VPS13C: variants seen among roughly 807,000 people sequenced by gnomAD.
The protein encoded by VPS13C is vacuolar protein sorting 13 homolog C, also known as intermembrane lipid transfer protein VPS13C.
A neutral mutation model predicts 456.8 loss-of-function variants in VPS13C; 358 were observed. That is an observed-to-expected ratio of 0.78 (90% CI 0.72 to 0.86). The LOEUF (loss-of-function observed/expected upper bound fraction) is 0.86, where lower values mean the gene tolerates loss of function less well. Among genes scored for constraint, VPS13C ranks in the 40% least tolerant of loss-of-function variants. The probability of loss-of-function intolerance (pLI) is 0.00; values close to 1 mark genes in which losing one functional copy is unlikely to be tolerated. For missense variants in VPS13C, 4,818 were observed against 4,385.4 expected (o/e 1.10, Z -2.79); for synonymous variants, 1,578 against 1,486.7 (o/e 1.06, Z -1.41).
intron 16 of VPS13C, among the ~76,000 whole-genome samples, chr15:61,997,102 C>T (rs907697507): frequency 6.6e-6 from 1 of 151,456 alleles, no homozygotes; most frequent in East Asian, 1.9e-4. Flanking sequence ...ACTTGAAAAA[C>T]GTCATGGCTA....
At chr15:61,978,529 G>A (rs1348993744) in intron 23 of VPS13C, 97 bp downstream of exon 23, 4 of 1,385,472 alleles carry the variant, frequency 2.9e-6, no homozygotes, top group Middle Eastern at 3.8e-4. Flanking sequence ...GTGCAAAATG[G>A]TTGTCAGGGT....
At chr15:61,951,232 AC>A (rs1374873851) in intron 39 of VPS13C, among the ~76,000 whole-genome samples, 1 of 152,070 alleles carries the variant, frequency 6.6e-6, no homozygotes, top group Non-Finnish European at 1.5e-5. Flanking sequence ...AAATACTAGT[AC>A]CCACCAATTA....
intron 58 of VPS13C, among the ~76,000 whole-genome samples, chr15:61,918,921 A>C (rs1345298480): frequency 6.6e-6 from 1 of 152,122 alleles, no homozygotes; most frequent in African/African-American, 2.4e-5. Context: ...ATCTTGAAAA[A>C]TATAATCCAA....
chr15:61,882,848 C>A, intron 68 of VPS13C, 112 bp from the exon 69 acceptor site: 1 of 1,159,632 alleles, frequency 8.6e-7, no homozygotes, highest in Non-Finnish European at 1.2e-6. Context: ...TTATGTCTCA[C>A]CAACAGATCT....
At chr15:62,012,749 A>T (rs906223354) in intron 11 of VPS13C, among the ~76,000 whole-genome samples, 1 of 151,864 alleles carries the variant, frequency 6.6e-6, no homozygotes, top group Non-Finnish European at 1.5e-5. Context: ...TCAGAATGTG[A>T]CAAGAATGTC....
At chr15:61,952,674 C>T (rs2044840787) in intron 38 of VPS13C, among the ~76,000 whole-genome samples, 1 of 152,066 alleles carries the variant, frequency 6.6e-6, no homozygotes, top group Non-Finnish European at 1.5e-5. Flanking sequence ...ATTTCAGATT[C>T]TAAAAAGTAG....
Position 62,013,055 on chromosome 15 carries a change from G to T in VPS13C, c.809C>A (p.Ser270Ter). The change falls in exon 11 of 85, where the codon TCA becomes TAA. Residue 270 changes from serine (S) to a stop codon, truncating the protein, a stop_gained. Transcript: ENST00000644861. LOFTEE classifies it high-confidence loss of function. ...TAATATTACCAAAATCTGTTCCCTT[G>T]ATCTCTGGTAAGACATGCTGCAATT... ...NVNCSMSYQRSREQILDQLKN... is the reference protein window; with the variant it reads ...NVNCSMSYQR 1 of 1,610,076 alleles carries T rather than the reference G, an allele frequency of 6.2e-7. No individual in the cohort carries two copies. The highest frequency in any genetic ancestry group is 1.3e-5 in the African/African-American group (1 of 74,870).
chr15:61,987,942 G>A (rs1021169845), intron 18 of VPS13C, among the ~76,000 whole-genome samples: 1 of 152,102 alleles, frequency 6.6e-6, no homozygotes, highest in Admixed American at 6.6e-5. Flanking sequence ...TATGTTCATA[G>A]CAGTGTTATC....
At chr15:61,865,249 C>G (rs1894459700) in intron 81 of VPS13C, 1 of 983,536 alleles carries the variant, frequency 1.0e-6, no homozygotes, top group Admixed American at 6.2e-5. Context: ...TATGAAAAAG[C>G]AAACAAGATA....
chr15:61,912,065 T>A (rs894721629), intron 62 of VPS13C, 61 bp from the exon 63 acceptor site: 49 of 1,345,924 alleles, frequency 3.6e-5, no homozygotes, highest in Non-Finnish European at 4.4e-5. Flanking sequence ...TATATACACA[T>A]CCCCTCATTC....
At chr15:61,906,957 AGTT>A (rs1304166625) in intron 66 of VPS13C, 1 of 291,374 alleles carries the variant, frequency 3.4e-6, no homozygotes, top group East Asian at 8.8e-5. Flanking sequence ...TTCAAAATAA[AGTT>A]GTTTTTAACT....
In VPS13C at chr15:62,000,546, G is replaced by A. The variant is rs373038048; in HGVS notation, c.1353+18C>T. 33 of 1,598,284 alleles carry A rather than the reference G, an allele frequency of 2.1e-5. No homozygotes were observed. ...TTAACATGTTTAAAACATAAAATCA[G>A]CTAATAAAAATGATTACCTCAACTT... On this transcript the variant is annotated intron_variant, in intron 16 of 84. Coordinates refer to ENST00000644861, the MANE Select transcript of VPS13C (RefSeq NM_020821.3).
intron 45 of VPS13C, among the ~76,000 whole-genome samples, chr15:61,944,739 G>A (rs2044547528): frequency 6.6e-6 from 1 of 152,084 alleles, no homozygotes; most frequent in Non-Finnish European, 1.5e-5. Context: ...TACTCATGTA[G>A]CAAGCCTGCC....
chr15:61,858,144 ACTCTT>A lies in VPS13C; in HGVS notation c.10953-1740_10953-1736del, dbSNP rs773310552. Among the ~76,000 whole-genome samples, 1 of 151,332 alleles carries A rather than the reference ACTCTT, an allele frequency of 6.6e-6. No homozygotes were observed. Among genetic ancestry groups the A allele is most frequent in the African/African-American group, 2.4e-5 (1 of 41,136 alleles). On this transcript the variant is annotated intron_variant, in intron 82 of 84. Coordinates refer to ENST00000644861, the MANE Select transcript of VPS13C (RefSeq NM_020821.3). The surrounding 1 kb of genome is among the most constrained non-coding windows in gnomAD (Gnocchi z 4.4). ...AATTCACTATTCCAAATATCTTTAA[ACTCTT>A]CTCTTTACCATCCCAATAATACTAC... is the stretch of plus-strand genomic sequence containing the variant.
intron 21 of VPS13C, 129 bp downstream of exon 21, chr15:61,982,330 T>A: frequency 1.6e-6 from 1 of 625,448 alleles, no homozygotes; most frequent in Middle Eastern, 3.8e-4. Context: ...GTCCACTCTA[T>A]ACTGTAATAC....
chr15:61,873,547 G>A, intron 77 of VPS13C, 138 bp from the exon 78 acceptor site: 1 of 794,780 alleles, frequency 1.3e-6, no homozygotes, highest in Non-Finnish European at 1.9e-6. Flanking sequence ...CATACAAATG[G>A]CCAACAAGTA....
At chr15:61,946,595 A>G (rs1428487918) in intron 43 of VPS13C, among the ~76,000 whole-genome samples, 185 bp from the exon 44 acceptor site, 1 of 151,744 alleles carries the variant, frequency 6.6e-6, no homozygotes, top group Non-Finnish European at 1.5e-5. Flanking sequence ...TTTAAATAAT[A>G]ACTTTAAGGG....
chr15:61,857,612 C>T (rs960775527), intron 82 of VPS13C, among the ~76,000 whole-genome samples: 1 of 152,106 alleles, frequency 6.6e-6, no homozygotes, highest in East Asian at 1.9e-4. Context: ...TGATAATGTT[C>T]TTTCACTTTT....
chr15:61,988,470 T>A (rs1265185186), intron 18 of VPS13C, among the ~76,000 whole-genome samples: 1 of 152,278 alleles, frequency 6.6e-6, no homozygotes, highest in African/African-American at 2.4e-5. Flanking sequence ...AATGGAGCCA[T>A]GTGCTATATT....
Sources: gnomAD v4.1 joint callset for allele counts (sites outside exome capture counted in the v4.1 genomes callset) on GRCh38, gnomAD v4.1.1 for gene constraint, Gnocchi (gnomAD v3.1) non-coding constraint, MANE v1.5 for transcripts, NCBI Gene and HGNC (gene_info 2026-07-23, HGNC 2026-07-21) for gene names.